TMEM266: variants seen among roughly 807,000 people sequenced by gnomAD.
TMEM266 encodes transmembrane protein 266.
TMEM266 carries 33 observed loss-of-function variants against 50.5 expected under a neutral mutation model. That is an observed-to-expected ratio of 0.65 (90% CI 0.50 to 0.87). The LOEUF is 0.87. Among genes scored for constraint, TMEM266 ranks in the 40% least tolerant of loss-of-function variants. The pLI is 0.00. For synonymous variants in TMEM266, 310 were observed against 292.3 expected (o/e 1.06, Z -0.62); for missense variants, 655 against 695.1 (o/e 0.94, Z 0.65).
intron 1 of TMEM266, among the ~76,000 whole-genome samples, chr15:76,094,839 G>A (rs989044676): frequency 3.3e-5 from 5 of 151,968 alleles, no homozygotes; most frequent in Admixed American, 6.6e-5. Flanking sequence ...CACATCCCTT[G>A]TAAGTTGTAT....
intron 1 of TMEM266, among the ~76,000 whole-genome samples, chr15:76,077,676 T>C (rs564483062): frequency 5.8e-4 from 89 of 152,140 alleles, no homozygotes; most frequent in African/African-American, 2.0e-3. Context: ...ATACAGAGAC[T>C]GGATTGATGA....
At chr15:76,151,946 G>A (rs1339833443) in intron 3 of TMEM266, among the ~76,000 whole-genome samples, 1 of 152,156 alleles carries the variant, frequency 6.6e-6, no homozygotes, top group Non-Finnish European at 1.5e-5. Context: ...AGGAGGCCTG[G>A]GTCCTCCCGC....
At chr15:76,110,357 A>T (rs1358498055) in intron 1 of TMEM266, among the ~76,000 whole-genome samples, 1 of 152,206 alleles carries the variant, frequency 6.6e-6, no homozygotes, top group African/African-American at 2.4e-5. Flanking sequence ...CATGGGCCAC[A>T]TGCAGCCCAG....
At chr15:76,132,769 T>G (rs1042583408) in intron 1 of TMEM266, among the ~76,000 whole-genome samples, 1 of 150,398 alleles carries the variant, frequency 6.6e-6, no homozygotes, top group Non-Finnish European at 1.5e-5. Context: ...CACTCCAGCC[T>G]GGGAGATAGA....
At chr15:76,197,478 T>C (rs892699515) in intron 9 of TMEM266, among the ~76,000 whole-genome samples, 3 of 152,218 alleles carry the variant, frequency 2.0e-5, no homozygotes, top group Non-Finnish European at 4.4e-5. Context: ...TTAATACTTT[T>C]AAAACAAGGG....
At chr15:76,166,134 A>C (rs1217190033) in intron 5 of TMEM266, among the ~76,000 whole-genome samples, 1 of 151,768 alleles carries the variant, frequency 6.6e-6, no homozygotes, top group Non-Finnish European at 1.5e-5. Flanking sequence ...AGGTGTTAAG[A>C]CTATACTCAG....
intron 1 of TMEM266, among the ~76,000 whole-genome samples, chr15:76,106,260 A>T (rs1030394482): frequency 6.6e-6 from 1 of 152,160 alleles, no homozygotes; most frequent in Non-Finnish European, 1.5e-5. Context: ...GGTACATCCC[A>T]CTGGGAATGC....
rs143570529 is a variant in TMEM266 at position 76,203,950 on chromosome 15, T to C, written c.1231T>C (p.Cys411Arg). The C allele has an allele frequency of 4.8e-5, 78 of 1,613,254 alleles. No homozygotes were observed. Among genetic ancestry groups the C allele is most frequent in the Non-Finnish European group, 6.4e-5 (75 of 1,179,608 alleles). The stretch of plus-strand genomic sequence containing the variant: ...CCAGACGCTGGGCTCCTCCATGGAC[T>C]GCAGCACTGCCCGCGAGGAGCCGTC... The change falls in exon 11 of 11, where the codon TGC becomes CGC. Residue 411 changes from cysteine to arginine, a missense_variant. Around this residue, in one of 3 missense-constraint regions of TMEM266, gnomAD observed 455 missense variants for 401.8 expected, o/e 1.13. Coordinates refer to ENST00000388942, the MANE Select transcript of TMEM266 (RefSeq NM_152335.3).
chr15:76,104,313 A>G (rs2037048161), intron 1 of TMEM266, among the ~76,000 whole-genome samples: 1 of 152,246 alleles, frequency 6.6e-6, no homozygotes, highest in Admixed American at 6.5e-5. Flanking sequence ...AAATGAATTA[A>G]AACTAAATAA....
At chr15:76,096,696 G>A (rs113902639) in intron 1 of TMEM266, among the ~76,000 whole-genome samples, 70 of 152,120 alleles carry the variant, frequency 4.6e-4, no homozygotes, top group African/African-American at 1.7e-3. Flanking sequence ...GTCTAATACT[G>A]ACAGGTGGGT....
At chr15:76,134,813 C>A (rs558774953) in intron 2 of TMEM266, among the ~76,000 whole-genome samples, 1 of 152,326 alleles carries the variant, frequency 6.6e-6, no homozygotes, top group East Asian at 1.9e-4. Context: ...TGTGTAACAA[C>A]CAACCATAGA....
At chr15:76,106,685 A>G (rs969052895) in intron 1 of TMEM266, among the ~76,000 whole-genome samples, 4 of 152,220 alleles carry the variant, frequency 2.6e-5, no homozygotes, top group African/African-American at 9.6e-5. Flanking sequence ...GCCTCAAGCA[A>G]TCCTCTTGCC....
chr15:76,169,786 A>G, intron 5 of TMEM266, 30 bp from the exon 6 acceptor site: 1 of 1,607,802 alleles, frequency 6.2e-7, no homozygotes, highest in African/African-American at 1.3e-5. Context: ...AGACCTGGAG[A>G]ATAACCACTT....
chr15:76,192,926 A>G (rs148885988), intron 9 of TMEM266, among the ~76,000 whole-genome samples: 10 of 152,228 alleles, frequency 6.6e-5, no homozygotes, highest in Non-Finnish European at 1.0e-4. Flanking sequence ...TGGGCTGGGA[A>G]CTCGGGCTGT....
chr15:76,203,891 G>A lies in TMEM266; in HGVS notation c.1172G>A (p.Arg391His), dbSNP rs937732. The change falls in exon 11 of 11, where the codon CGC becomes CAC. Residue 391 changes from arginine to histidine, a missense_variant. Physicochemically the swap from Arg to His is conservative, Grantham distance 29. Around this residue, in one of 3 missense-constraint regions of TMEM266, gnomAD observed 455 missense variants for 401.8 expected, o/e 1.13. Coordinates refer to ENST00000388942, the MANE Select transcript of TMEM266 (RefSeq NM_152335.3). ...AGCGCCACCTCGGAGAGTGCCTCCC[G>A]CAGCTCAGTCACCCGGGCCCAGAGT... 473,222 of 1,613,856 alleles carry A rather than the reference G, an allele frequency of 0.29. 74,135 individuals are homozygous for A. The highest frequency in any genetic ancestry group is 0.56 in the East Asian group (25,277 of 44,860).
intron 1 of TMEM266, among the ~76,000 whole-genome samples, chr15:76,131,473 C>T (rs977239722): frequency 6.6e-6 from 1 of 152,210 alleles, no homozygotes; most frequent in Non-Finnish European, 1.5e-5. Flanking sequence ...ATGGATATCT[C>T]AATTCTGACT....
At chr15:76,167,451 C>T (rs1177437679) in intron 5 of TMEM266, among the ~76,000 whole-genome samples, 1 of 133,002 alleles carries the variant, frequency 7.5e-6, no homozygotes, top group Non-Finnish European at 1.6e-5. Flanking sequence ...ACCTGGGCGA[C>T]AGAGTGAGAC....
At position 76,136,865 on chromosome 15, in the gene TMEM266, A is replaced by G. The variant is rs60307360; in HGVS notation, c.39-842A>G. ...TCCCCAGCCCTACTTAAATGTCAATAATGACCAACCGTGGTCATGGTGGCA... is the reference window on the plus strand; with the variant it reads ...TCCCCAGCCCTACTTAAATGTCAATGATGACCAACCGTGGTCATGGTGGCA... On this transcript the variant is annotated intron_variant, in intron 2 of 10. Transcript: ENST00000388942. Among the ~76,000 whole-genome samples, 768 of 152,318 alleles carry G rather than the reference A, an allele frequency of 5.0e-3. 7 individuals are homozygous for G. The highest frequency in any genetic ancestry group is 0.017 in the African/African-American group (725 of 41,564).
chr15:76,147,510 ACAC>A (rs2037773581), intron 3 of TMEM266, among the ~76,000 whole-genome samples: 1 of 152,120 alleles, frequency 6.6e-6, no homozygotes, highest in African/African-American at 2.4e-5. Context: ...CTATAATAAA[ACAC>A]CACTCCTTTC....
Sources: gnomAD v4.1 joint callset for allele counts (sites outside exome capture counted in the v4.1 genomes callset) on GRCh38, gnomAD v4.1.1 for gene constraint, gnomAD v4.1.1 regional missense constraint, MANE v1.5 for transcripts, NCBI Gene and HGNC (gene_info 2026-07-23, HGNC 2026-07-21) for gene names.